Variants in FRAS1 observed in about 807,000 individuals in gnomAD.
FRAS1 encodes Fraser extracellular matrix complex subunit 1, also known as extracellular matrix organizing protein FRAS1.
A neutral mutation model predicts 435.2 loss-of-function variants in FRAS1; 290 were observed. That is an observed-to-expected ratio of 0.67 (90% CI 0.61 to 0.73). The LOEUF is 0.73. FRAS1 is among the 30% of genes least tolerant of loss of function. FRAS1 has a pLI of 0.00. For synonymous variants in FRAS1, 1,800 were observed against 1,851.0 expected (o/e 0.97, Z 0.71); for missense variants, 4,860 against 5,001.5 (o/e 0.97, Z 0.85).
chr4:78,120,451 C>G (rs982802220), intron 2 of FRAS1, among the ~76,000 whole-genome samples: 2 of 152,170 alleles, frequency 1.3e-5, no homozygotes, highest in African/African-American at 2.4e-5. Flanking sequence ...TCTCTTGGCT[C>G]TAGCAAATCT....
At chr4:78,328,835 G>A (rs1729820505) in intron 18 of FRAS1, among the ~76,000 whole-genome samples, 1 of 152,094 alleles carries the variant, frequency 6.6e-6, no homozygotes, top group Admixed American at 6.6e-5. Flanking sequence ...AATGCCTGGA[G>A]GCTACTTATT....
intron 2 of FRAS1, among the ~76,000 whole-genome samples, chr4:78,223,059 G>A (rs1724123048): frequency 6.6e-6 from 1 of 152,202 alleles, no homozygotes; most frequent in African/African-American, 2.4e-5. Context: ...GAGGCTGGAA[G>A]CAAATCGAGT....
intron 2 of FRAS1, among the ~76,000 whole-genome samples, chr4:78,131,686 G>C (rs982697205): frequency 2.6e-5 from 4 of 152,156 alleles, no homozygotes; most frequent in African/African-American, 7.2e-5. Context: ...ATTTTACAGG[G>C]CTGTAATCTA....
chr4:78,398,274 T>G (rs12651417), intron 29 of FRAS1, among the ~76,000 whole-genome samples: 68,668 of 152,040 alleles, frequency 0.45, 16,647 homozygotes, highest in African/African-American at 0.64. Context: ...TAGAACCATT[T>G]TGACCTCTAC....
chr4:78,430,470 T>C, intron 37 of FRAS1, 53 bp downstream of exon 37: 1 of 1,576,250 alleles, frequency 6.3e-7, no homozygotes, highest in Non-Finnish European at 8.6e-7. Flanking sequence ...GATTTTTTGC[T>C]CTACAATCAG....
intron 2 of FRAS1, among the ~76,000 whole-genome samples, chr4:78,200,291 T>G (rs1722995157): frequency 6.6e-6 from 1 of 152,226 alleles, no homozygotes; most frequent in Non-Finnish European, 1.5e-5. Flanking sequence ...GATCACAGCA[T>G]GTGTTGAACC....
At chr4:78,315,410 A>G (rs1167344788) in intron 15 of FRAS1, among the ~76,000 whole-genome samples, 184 bp from the exon 16 acceptor site, 1 of 152,170 alleles carries the variant, frequency 6.6e-6, no homozygotes, top group African/African-American at 2.4e-5. Context: ...ATTCTCTTTC[A>G]ACTGTGAAAA....
chr4:78,146,840 C>G (rs553752929), intron 2 of FRAS1, among the ~76,000 whole-genome samples: 1 of 152,146 alleles, frequency 6.6e-6, no homozygotes, highest in East Asian at 1.9e-4. Context: ...TTTCTTGTAT[C>G]ACTTTTAGGT....
At position 78,249,074 on chromosome 4, in the gene FRAS1, T is replaced by TATATATGC. The variant is rs1553934066; in HGVS notation, c.310-3312_310-3311insGCATATAT. Among the ~76,000 whole-genome samples the TATATATGC allele has an allele frequency of 1.1e-4, 10 of 94,746 alleles. 1 individual carries two copies. Among genetic ancestry groups the TATATATGC allele is most frequent in the African/African-American group, 7.9e-5 (2 of 25,360 alleles). The allele number at this position is 94,746 out of a possible 152,430, so 62.2% of individuals were successfully genotyped here. On this transcript the variant is annotated intron_variant, in intron 4 of 73. Coordinates refer to ENST00000512123, the MANE Select transcript of FRAS1 (RefSeq NM_025074.7). The stretch of plus-strand genomic sequence containing the variant: ...ATATATATATATATGCATATATATA[T>TATATATGC]ATATATATATATGCATGTGCTGATG...
chr4:78,311,696 C>A (rs1358060010), intron 15 of FRAS1, among the ~76,000 whole-genome samples: 1 of 152,244 alleles, frequency 6.6e-6, no homozygotes, highest in Admixed American at 6.5e-5. Context: ...CATAAGGGTT[C>A]ACTCATCTCC....
intron 9 of FRAS1, among the ~76,000 whole-genome samples, chr4:78,275,580 GT>G (rs1383717309): frequency 6.6e-6 from 1 of 152,266 alleles, no homozygotes; most frequent in East Asian, 1.9e-4. Flanking sequence ...ACGAAGCTTA[GT>G]TTGGCTGGAT....
rs786205570 is a variant in FRAS1, at chr4:78,478,063, T to A, written c.8098+2T>A. The A allele has an allele frequency of 6.4e-7, 1 of 1,555,938 alleles. No individual in the cohort carries two copies. The highest frequency in any genetic ancestry group is 1.2e-5 in the South Asian group (1 of 84,340). ...TGTTTGCACCTATTGAAAGAAAAGGTCTGTTGGTTCCACAGGTGACAAAGA... is the reference window on the plus strand; with the variant it reads ...TGTTTGCACCTATTGAAAGAAAAGGACTGTTGGTTCCACAGGTGACAAAGA... On this transcript the variant is annotated splice_donor_variant, in intron 55 of 73. Coordinates refer to ENST00000512123, the MANE Select transcript of FRAS1 (RefSeq NM_025074.7). LOFTEE classifies it high-confidence loss of function.
At chr4:78,160,845 A>G (rs1721108257) in intron 2 of FRAS1, among the ~76,000 whole-genome samples, 1 of 152,190 alleles carries the variant, frequency 6.6e-6, no homozygotes, top group Non-Finnish European at 1.5e-5. Context: ...TTAAAGATCT[A>G]TAAAAAGATG....
intron 2 of FRAS1, among the ~76,000 whole-genome samples, chr4:78,121,781 T>C (rs1350384251): frequency 6.6e-6 from 1 of 152,224 alleles, no homozygotes; most frequent in Non-Finnish European, 1.5e-5. Flanking sequence ...TGGCTGTTTC[T>C]TTTTGTCTCA....
intron 24 of FRAS1, among the ~76,000 whole-genome samples, chr4:78,373,223 T>C (rs1034247477): frequency 2.0e-5 from 3 of 152,040 alleles, no homozygotes; most frequent in African/African-American, 7.2e-5. Context: ...TATTTCACTA[T>C]CTGCCCCCTT....
At chr4:78,519,113 C>T (rs1486666386) in intron 66 of FRAS1, among the ~76,000 whole-genome samples, 1 of 152,212 alleles carries the variant, frequency 6.6e-6, no homozygotes, top group African/African-American at 2.4e-5. Flanking sequence ...GAAGCCTCTG[C>T]ACGTGACCCT....
chr4:78,345,975 T>C (rs1039408440), intron 20 of FRAS1, among the ~76,000 whole-genome samples: 2 of 152,218 alleles, frequency 1.3e-5, no homozygotes, highest in Admixed American at 6.5e-5. Context: ...TTTCAGCTTG[T>C]AAAACCTCCC....
At chr4:78,189,972 C>G (rs753766854) in intron 2 of FRAS1, among the ~76,000 whole-genome samples, 33 of 152,194 alleles carry the variant, frequency 2.2e-4, no homozygotes, top group Admixed American at 1.7e-3. Flanking sequence ...CATCTTTTGC[C>G]TGCACTGATG....
intron 65 of FRAS1, among the ~76,000 whole-genome samples, chr4:78,514,187 C>A (rs1721134389): frequency 1.3e-5 from 2 of 152,224 alleles, no homozygotes; most frequent in South Asian, 2.1e-4. Context: ...CACAGCCAGA[C>A]CCTTATAGCC....
Sources: gnomAD v4.1 joint callset for allele counts (sites outside exome capture counted in the v4.1 genomes callset) on GRCh38, gnomAD v4.1.1 for gene constraint, MANE v1.5 for transcripts, NCBI Gene and HGNC (gene_info 2026-07-23, HGNC 2026-07-21) for gene names.